The following MACROD2 variants were observed in gnomAD, a reference collection of about 807,000 sequenced individuals.
The protein encoded by MACROD2 is ADP-ribose glycohydrolase MACROD2.
MACROD2 carries 36 observed loss-of-function variants against 70.4 expected under a neutral mutation model. The observed-to-expected ratio is 0.51, with a 90% CI of 0.39 to 0.68. MACROD2 has a LOEUF of 0.68. Ranked by LOEUF, MACROD2 falls within the 30% of genes least tolerant of loss-of-function variation. The pLI is 0.00. For missense variants in MACROD2, 496 were observed against 538.4 expected (o/e 0.92, Z 0.78); for synonymous variants, 172 against 178.8 (o/e 0.96, Z 0.30).
At chr20:14,895,348 G>A (rs953010560) in intron 5 of MACROD2, 3 of 152,154 alleles carry the variant, frequency 2.0e-5, no homozygotes, top group African/African-American at 4.8e-5. Context: ...TAAGGGTTAA[G>A]AATTCTAGTA....
At position 15,995,649 on chromosome 20, in the gene MACROD2, C is replaced by CTTTTTTTTTTTTTTTTTTTTTTTTTTTTT. The variant is rs71192310; in HGVS notation, c.1153+8511_1153+8512insTTTTTTTTTTTTTTTTTTTTTTTTTTTTT. Among the ~76,000 whole-genome samples, 20 of 85,484 alleles carry CTTTTTTTTTTTTTTTTTTTTTTTTTTTTT rather than the reference C, an allele frequency of 2.3e-4. 1 individual carries two copies. Among genetic ancestry groups the CTTTTTTTTTTTTTTTTTTTTTTTTTTTTT allele is most frequent in the East Asian group, 1.5e-3 (4 of 2,600 alleles). The allele number at this position is 85,484 out of a possible 152,430, so 56.1% of individuals were successfully genotyped here. ...ACAGGCATGAGCCACTATGCCCGGC[C>CTTTTTTTTTTTTTTTTTTTTTTTTTTTTT]TTTTTTTTTTTTTTTTTTTTAACTT... is the stretch of plus-strand genomic sequence containing the variant. On this transcript the variant is annotated intron_variant, in intron 15 of 17. Transcript: ENST00000684519.
At chr20:15,182,208 T>A (rs766780603) in intron 5 of MACROD2, among the ~76,000 whole-genome samples, 5 of 152,148 alleles carry the variant, frequency 3.3e-5, no homozygotes, top group African/African-American at 1.2e-4. Flanking sequence ...TGTCTTCCCA[T>A]AGTAACAAAA....
At chr20:14,775,626 T>C (rs1448388084) in intron 5 of MACROD2, among the ~76,000 whole-genome samples, 1 of 151,898 alleles carries the variant, frequency 6.6e-6, no homozygotes, top group African/African-American at 2.4e-5. Context: ...CCATCAACAC[T>C]GGGGGTCACA....
rs1294208067 is a variant in MACROD2 at position 15,890,720 on chromosome 20, C to A, written c.775+4909C>A. The stretch of plus-strand genomic sequence containing the variant: ...TTTATAATGCCAAAGTTTTTAATAG[C>A]ACATCTATCAAATGTGGGGTTTTTT... On this transcript the variant is annotated intron_variant, in intron 10 of 17. Transcript: ENST00000684519. Among the ~76,000 whole-genome samples the A allele has an allele frequency of 3.3e-5, 5 of 152,088 alleles. No individual in the cohort carries two copies. In the East Asian group the frequency reaches 9.6e-4, roughly 29 times the overall value.
intron 5 of MACROD2, among the ~76,000 whole-genome samples, chr20:15,129,785 A>G (rs971390496): frequency 2.0e-5 from 3 of 152,096 alleles, no homozygotes; most frequent in African/African-American, 7.2e-5. Context: ...GCTTGGTGAA[A>G]CAGATGCTAG....
intron 4 of MACROD2, among the ~76,000 whole-genome samples, chr20:14,673,905 A>G (rs1820235486): frequency 7.0e-6 from 1 of 143,672 alleles, no homozygotes; most frequent in Non-Finnish European, 1.5e-5. Context: ...GGGCAACAAG[A>G]GTGAAACTCC....
At chr20:14,144,488 C>G (rs576093144) in intron 3 of MACROD2, among the ~76,000 whole-genome samples, 1 of 152,210 alleles carries the variant, frequency 6.6e-6, no homozygotes, top group South Asian at 2.1e-4. Context: ...TTCATTCATT[C>G]AACTAATATT....
chr20:15,534,042 A>G (rs1281082191), intron 8 of MACROD2, among the ~76,000 whole-genome samples: 1 of 152,170 alleles, frequency 6.6e-6, no homozygotes, highest in Non-Finnish European at 1.5e-5. Context: ...GCTAAAAAGC[A>G]TTTCTTTGAT....
At chr20:15,681,328 T>C (rs2050157120) in intron 8 of MACROD2, among the ~76,000 whole-genome samples, 1 of 152,154 alleles carries the variant, frequency 6.6e-6, no homozygotes, top group African/African-American at 2.4e-5. Flanking sequence ...ACAGAAGGGA[T>C]TGACAAAGTA....
chr20:14,212,475 CG>C (rs2081578823), intron 3 of MACROD2, among the ~76,000 whole-genome samples: 1 of 152,094 alleles, frequency 6.6e-6, no homozygotes, highest in Non-Finnish European at 1.5e-5. Context: ...GATGCCCAGC[CG>C]GTAGCATTAA....
intron 3 of MACROD2, among the ~76,000 whole-genome samples, chr20:14,206,042 A>G (rs1258719405): frequency 6.6e-6 from 1 of 152,194 alleles, no homozygotes; most frequent in Non-Finnish European, 1.5e-5. Flanking sequence ...TGTAATGTGT[A>G]GCATTGGTTC....
chr20:14,002,264 G>T lies in MACROD2; in HGVS notation c.47-24G>T, dbSNP rs1246864569. 3 of 1,420,984 alleles carry T rather than the reference G, an allele frequency of 2.1e-6. No individual in the cohort carries two copies. In the Admixed American group the frequency reaches 6.1e-5, roughly 29 times the overall value. 88.0% of individuals were successfully genotyped at this position (1,420,984 alleles called of 1,614,324 possible). A position where few individuals can be genotyped will look rare whatever the true frequency, so the allele number is the denominator to read the frequency against. On this transcript the variant is annotated intron_variant, in intron 1 of 17. Coordinates refer to ENST00000684519, the MANE Select transcript of MACROD2 (RefSeq NM_001351661.2). ...CATGTTTAAACGTTAAATACAAATG[G>T]AGATTCTGCTTTTATTTTGCAAGAA...
chr20:15,832,845 C>T (rs2064071990), intron 8 of MACROD2, among the ~76,000 whole-genome samples: 1 of 152,202 alleles, frequency 6.6e-6, no homozygotes, highest in South Asian at 2.1e-4. Context: ...GATAACCTTT[C>T]CGTAACATGG....
intron 6 of MACROD2, among the ~76,000 whole-genome samples, chr20:15,387,268 A>C (rs2045726676): frequency 6.6e-6 from 1 of 151,930 alleles, no homozygotes; most frequent in African/African-American, 2.4e-5. Flanking sequence ...ATTTTCTGCT[A>C]TTTCTGAAAA....
intron 8 of MACROD2, chr20:15,552,251 A>C (rs531596170): frequency 1.4e-3 from 218 of 152,310 alleles, no homozygotes; most frequent in African/African-American, 5.0e-3. Context: ...GTAAACGTGC[A>C]TAGATGTTCA....
At chr20:15,160,546 T>A (rs1035632271) in intron 5 of MACROD2, among the ~76,000 whole-genome samples, 3 of 152,102 alleles carry the variant, frequency 2.0e-5, no homozygotes, top group Non-Finnish European at 4.4e-5. Context: ...CATTTATTTA[T>A]TCAAAAAATT....
chr20:15,322,037 C>T (rs1456911083), intron 6 of MACROD2, among the ~76,000 whole-genome samples: 6 of 143,574 alleles, frequency 4.2e-5, no homozygotes, highest in African/African-American at 1.2e-4. Flanking sequence ...GTGATCTGCC[C>T]GCCTCGGCCT....
intron 6 of MACROD2, among the ~76,000 whole-genome samples, chr20:15,379,651 T>C (rs114620843): frequency 1.7e-3 from 266 of 152,300 alleles, no homozygotes; most frequent in African/African-American, 6.2e-3. Flanking sequence ...CTGGAAAATG[T>C]ATGTCTAATT....
At position 15,950,582 on chromosome 20, in the gene MACROD2, G is replaced by A. The variant is rs151163763; in HGVS notation, c.907+13038G>A. Among the ~76,000 whole-genome samples, 369 of 152,284 alleles carry A rather than the reference G, an allele frequency of 2.4e-3. 1 individual carries two copies. The highest frequency in any genetic ancestry group is 8.5e-3 in the African/African-American group (353 of 41,570). On this transcript the variant is annotated intron_variant, in intron 12 of 17. Transcript: ENST00000684519. ...AACAGAAATCATGACAATAGTTCAT[G>A]TAGAATGGCACGTCATTGTATTTTG...
Sources: gnomAD v4.1 joint callset for allele counts (sites outside exome capture counted in the v4.1 genomes callset) on GRCh38, gnomAD v4.1.1 for gene constraint, MANE v1.5 for transcripts, NCBI Gene and HGNC (gene_info 2026-07-23, HGNC 2026-07-21) for gene names.